PRKN: variants seen among roughly 807,000 people sequenced by gnomAD.
The protein encoded by PRKN is E3 ubiquitin-protein ligase parkin.
In PRKN, 56 loss-of-function variants were observed where a neutral mutation model predicts 59.5. The ratio of observed to expected loss-of-function variants is 0.94; its 90% confidence interval spans 0.76 to 1.18. The LOEUF (loss-of-function observed/expected upper bound fraction) is 1.18, where lower values mean the gene tolerates loss of function less well. PRKN is among the 50% of genes most tolerant of loss of function. PRKN has a pLI of 0.00. For synonymous variants in PRKN, 250 were observed against 222.1 expected (o/e 1.13, Z -1.12); for missense variants, 657 against 596.4 (o/e 1.10, Z -1.06).
chr6:162,611,491 T>C (rs1387088462), intron 1 of PRKN, among the ~76,000 whole-genome samples: 2 of 152,176 alleles, frequency 1.3e-5, no homozygotes, highest in East Asian at 1.9e-4. Context: ...GAGTAAATAT[T>C]ATCACAGGTG....
chr6:161,778,420 A>C (rs1005446939), intron 7 of PRKN, among the ~76,000 whole-genome samples: 1 of 152,206 alleles, frequency 6.6e-6, no homozygotes, highest in Non-Finnish European at 1.5e-5. Flanking sequence ...TTATCATTGA[A>C]AGGAACCGAT....
At chr6:162,322,317 G>A (rs1185028047) in intron 2 of PRKN, among the ~76,000 whole-genome samples, 1 of 151,896 alleles carries the variant, frequency 6.6e-6, no homozygotes, top group African/African-American at 2.4e-5. Context: ...CTAAATAAAT[G>A]GAGCAGTATT....
At chr6:162,665,637 C>T (rs1333478951) in intron 1 of PRKN, among the ~76,000 whole-genome samples, 3 of 152,100 alleles carry the variant, frequency 2.0e-5, no homozygotes, top group Non-Finnish European at 4.4e-5. Flanking sequence ...CAATGCTATT[C>T]CCATAAAACT....
At chr6:161,657,734 G>A (rs772759028) in intron 7 of PRKN, among the ~76,000 whole-genome samples, 27 of 151,976 alleles carry the variant, frequency 1.8e-4, no homozygotes, top group Non-Finnish European at 3.1e-4. Flanking sequence ...AATTAAAAAC[G>A]AGTATACTAG....
intron 3 of PRKN, among the ~76,000 whole-genome samples, chr6:162,217,156 A>G (rs924286664): frequency 6.6e-5 from 10 of 152,302 alleles, no homozygotes; most frequent in African/African-American, 2.4e-4. Flanking sequence ...AACTGTAAAA[A>G]GCACCTCTTG....
intron 6 of PRKN, among the ~76,000 whole-genome samples, chr6:161,815,301 T>C (rs1791728687): frequency 6.6e-6 from 1 of 152,232 alleles, no homozygotes; most frequent in African/African-American, 2.4e-5. Flanking sequence ...TACTTTGAAT[T>C]CAAAGAACTA....
chr6:161,944,660 G>A (rs1779715522), intron 6 of PRKN, among the ~76,000 whole-genome samples: 1 of 152,124 alleles, frequency 6.6e-6, no homozygotes, highest in African/African-American at 2.4e-5. Flanking sequence ...GGCGATCCCT[G>A]AGACTTTTAT....
chr6:161,933,360 G>C (rs894546025), intron 6 of PRKN, among the ~76,000 whole-genome samples: 2 of 152,102 alleles, frequency 1.3e-5, no homozygotes, highest in Non-Finnish European at 2.9e-5. Context: ...GACTCCATTA[G>C]ATAATAATGT....
intron 2 of PRKN, among the ~76,000 whole-genome samples, chr6:162,277,659 G>A (rs1780693831): frequency 6.6e-6 from 1 of 152,094 alleles, no homozygotes; most frequent in Non-Finnish European, 1.5e-5. Context: ...CCTCACCAAA[G>A]AAGATACAGA....
intron 2 of PRKN, among the ~76,000 whole-genome samples, chr6:162,402,000 A>C (rs1311097668): frequency 6.6e-6 from 1 of 152,128 alleles, no homozygotes; most frequent in African/African-American, 2.4e-5. Flanking sequence ...CAGTAATCCC[A>C]GCACTTTGAG....
intron 1 of PRKN, among the ~76,000 whole-genome samples, chr6:162,451,487 G>A (rs942364108): frequency 6.6e-6 from 1 of 151,798 alleles, no homozygotes. Context: ...TTTTTTGGGA[G>A]GCCCACACGG....
intron 1 of PRKN, chr6:162,727,320 A>AGGGGCGGCGGCGGGGCGAAGGTGC (rs1562531453): frequency 2.8e-6 from 1 of 359,780 alleles, no homozygotes. Flanking sequence ...GGCGAAGGTG[A>AGGGGCGGCGGCGGGGCGAAGGTGC]GGGGCGGCGG....
At chr6:162,114,290 G>A (rs1380332182) in intron 4 of PRKN, among the ~76,000 whole-genome samples, 1 of 151,606 alleles carries the variant, frequency 6.6e-6, no homozygotes, top group Admixed American at 6.6e-5. Flanking sequence ...CATTGAATCT[G>A]TAAATTACCT....
chr6:162,493,742 A>G (rs562152281), intron 1 of PRKN, among the ~76,000 whole-genome samples: 2 of 152,258 alleles, frequency 1.3e-5, no homozygotes, highest in South Asian at 4.1e-4. Context: ...CTCCTTCCAT[A>G]AGGAAGCCCT....
chr6:161,803,108 G>A lies in PRKN; in HGVS notation c.735-17200C>T, dbSNP rs139954335. Reference sequence around the variant, plus strand: ...TAGCAGAGTGAATTCTGCACAAACAGCCCTCATTAGGGTATGTATGCCTTA... The same window carrying A: ...TAGCAGAGTGAATTCTGCACAAACAACCCTCATTAGGGTATGTATGCCTTA... On this transcript the variant is annotated intron_variant, in intron 6 of 11. Transcript: ENST00000366898. Among the ~76,000 whole-genome samples, 3 of 152,246 alleles carry A rather than the reference G, an allele frequency of 2.0e-5. No homozygotes were observed. The East Asian group carries it at 5.8e-4, about 29-fold the overall frequency.
At chr6:161,805,481 T>TAG (rs1161398137) in intron 6 of PRKN, among the ~76,000 whole-genome samples, 1,003 of 23,140 alleles carry the variant, frequency 0.043, 15 homozygotes, top group African/African-American at 0.093. Context: ...CACACACACA[T>TAG]GCATGTACAC....
intron 7 of PRKN, among the ~76,000 whole-genome samples, chr6:161,601,859 G>A (rs1782119287): frequency 6.6e-6 from 1 of 152,144 alleles, no homozygotes; most frequent in African/African-American, 2.4e-5. Flanking sequence ...TGGGATTACA[G>A]GCATGAGCCA....
rs1000081907 is a variant in PRKN at position 161,401,663 on chromosome 6, T to G, written c.1084-14786A>C. On this transcript the variant is annotated intron_variant, in intron 9 of 11. Coordinates refer to ENST00000366898, the MANE Select transcript of PRKN (RefSeq NM_004562.3). The surrounding 1 kb of genome is among the most constrained non-coding windows in gnomAD (Gnocchi z 4.4). ...TAGAGTACTGATCTGGATTTCACCCTTGAAGTTAAGCACACACTAATGACA... is the reference window on the plus strand; with the variant it reads ...TAGAGTACTGATCTGGATTTCACCCGTGAAGTTAAGCACACACTAATGACA... Among the ~76,000 whole-genome samples the G allele has an allele frequency of 2.0e-5, 3 of 152,114 alleles. No individual in the cohort carries two copies. The highest frequency in any genetic ancestry group is 4.4e-5 in the Non-Finnish European group (3 of 68,032).
intron 5 of PRKN, among the ~76,000 whole-genome samples, chr6:162,027,799 C>G (rs1333927804): frequency 1.1e-4 from 16 of 151,384 alleles, no homozygotes; most frequent in Admixed American, 1.1e-3. Flanking sequence ...AGGTTGCCTC[C>G]GTGCTTAATA....
Sources: allele counts gnomAD v4.1 joint callset (sites outside exome capture counted in the v4.1 genomes callset), GRCh38; gene constraint gnomAD v4.1.1; non-coding constraint Gnocchi (gnomAD v3.1); transcripts MANE v1.5; gene names NCBI Gene and HGNC (gene_info 2026-07-23, HGNC 2026-07-21).